Variants in SLC7A8 observed in about 807,000 individuals in gnomAD.
SLC7A8 encodes the protein large neutral amino acids transporter small subunit 2.
SLC7A8 carries 30 observed loss-of-function variants against 51.2 expected under a neutral mutation model. The ratio of observed to expected loss-of-function variants is 0.59; its 90% confidence interval spans 0.44 to 0.80. The LOEUF is 0.80. Among genes scored for constraint, SLC7A8 ranks in the 30% least tolerant of loss-of-function variants. The probability of loss-of-function intolerance (pLI) is 0.00; values close to 1 mark genes in which losing one functional copy is unlikely to be tolerated. For synonymous variants in SLC7A8, 257 were observed against 275.8 expected (o/e 0.93, Z 0.67); for missense variants, 612 against 674.4 (o/e 0.91, Z 1.03).
chr14:23,161,549 C>A (rs1373630720), intron 3 of SLC7A8, among the ~76,000 whole-genome samples: 1 of 131,892 alleles, frequency 7.6e-6, no homozygotes, highest in Non-Finnish European at 1.6e-5. Flanking sequence ...AGCTGGCTTG[C>A]CTGGCCCCTG....
rs1420663309 is a variant in SLC7A8 at position 23,143,197 on chromosome 14, G to A, written c.516C>T (p.Leu172=). The A allele has an allele frequency of 6.2e-7, 1 of 1,614,160 alleles. No individual in the cohort carries two copies. The highest frequency in any genetic ancestry group is 1.7e-5 in the Admixed American group (1 of 60,026). The part of the protein sequence containing the change: ...RLLAAICLLL[L]TWVNCSSVRW... Reference sequence around the variant, plus strand: ...GCACACTGGAACAGTTGACCCATGTGAGGAGCACTGAAATGAAAGACCCCC... The same window carrying A: ...GCACACTGGAACAGTTGACCCATGTAAGGAGCACTGAAATGAAAGACCCCC... The change falls in exon 4 of 11, where the codon CTC becomes CTT. Residue 172 remains leucine (L), a synonymous_variant. Coordinates refer to ENST00000316902, the MANE Select transcript of SLC7A8 (RefSeq NM_012244.4).
At chr14:23,144,632 T>C (rs755108936) in intron 3 of SLC7A8, among the ~76,000 whole-genome samples, 1 of 152,166 alleles carries the variant, frequency 6.6e-6, no homozygotes, top group Non-Finnish European at 1.5e-5. Context: ...CCAACCTTAT[T>C]TGATGCTGAG....
intron 3 of SLC7A8, among the ~76,000 whole-genome samples, chr14:23,162,046 A>G (rs1229981238): frequency 6.6e-6 from 1 of 152,034 alleles, no homozygotes; most frequent in East Asian, 1.9e-4. Context: ...AATTCAAAAA[A>G]AGAAGAGAGG....
chr14:23,160,427 C>A (rs899899453), intron 3 of SLC7A8, among the ~76,000 whole-genome samples: 1 of 151,992 alleles, frequency 6.6e-6, no homozygotes, highest in Non-Finnish European at 1.5e-5. Context: ...AAAAATTAGC[C>A]GGACGTGGTG....
At chr14:23,167,831 T>C (rs2048957629) in intron 1 of SLC7A8, among the ~76,000 whole-genome samples, 1 of 152,144 alleles carries the variant, frequency 6.6e-6, no homozygotes, top group Non-Finnish European at 1.5e-5. Context: ...CAAGCCTCCG[T>C]GATCTCTCTG....
intron 1 of SLC7A8, among the ~76,000 whole-genome samples, chr14:23,167,114 A>G (rs1175539793): frequency 6.6e-6 from 1 of 152,120 alleles, no homozygotes; most frequent in East Asian, 1.9e-4. Flanking sequence ...TGTGGAAAAC[A>G]CTCCTGGAGG....
At chr14:23,154,791 A>T (rs2048877879) in intron 3 of SLC7A8, among the ~76,000 whole-genome samples, 1 of 151,752 alleles carries the variant, frequency 6.6e-6, no homozygotes, top group Non-Finnish European at 1.5e-5. Context: ...GCTTCACAGA[A>T]CCCTCCTAGA....
intron 3 of SLC7A8, chr14:23,154,598 G>T: frequency 2.0e-6 from 1 of 505,362 alleles, no homozygotes; most frequent in Non-Finnish European, 2.6e-6. Flanking sequence ...GGTAAGCAGT[G>T]CCGGCTGCCA....
Position 23,127,254 on chromosome 14 carries a change from T to C in SLC7A8, c.1531A>G (p.Met511Val), listed in dbSNP as rs1250411663. 6.2e-7 allele frequency: 1 copy of C among 1,614,078 alleles called. No homozygotes were observed. The highest frequency in any genetic ancestry group is 1.1e-5 in the South Asian group (1 of 91,086). ...GSGTEEANED[M>V]EEQQQPMYQP... is the part of the protein sequence containing the mutation. ...TACATGGGCTGCTGCTGCTCCTCCATGTCCTCATTAGCCTCCTCTGTCCCT... is the reference window on the plus strand; with the variant it reads ...TACATGGGCTGCTGCTGCTCCTCCACGTCCTCATTAGCCTCCTCTGTCCCT... Residue 511 changes from methionine (M) to valine (V), a missense_variant, in exon 11 of 11, where the codon ATG (methionine) becomes GTG (valine). Met to Val is a conservative substitution (Grantham distance 21). Coordinates refer to ENST00000316902, the MANE Select transcript of SLC7A8 (RefSeq NM_012244.4).
chr14:23,155,132 C>G (rs754351666), intron 3 of SLC7A8: 18 of 1,528,406 alleles, frequency 1.2e-5, no homozygotes, highest in South Asian at 7.2e-5. Context: ...TAACATTTCC[C>G]CTTCTCCAGC....
In SLC7A8 at chr14:23,128,244, C is replaced by T; in HGVS notation, c.1264-48G>A. The T allele has an allele frequency of 1.2e-6, 2 of 1,608,524 alleles. No homozygotes were observed. The highest frequency in any genetic ancestry group is 1.7e-6 in the Non-Finnish European group (2 of 1,177,550). On this transcript the variant is annotated intron_variant, in intron 9 of 10. Coordinates refer to ENST00000316902, the MANE Select transcript of SLC7A8 (RefSeq NM_012244.4). This position sits in a 1 kb window ranked among gnomAD's most constrained non-coding sequence, Gnocchi z 4.3. ...GTATGAACTGTGTAGGCCACGTGGC[C>T]CCCAGGACTAGGGACTGGGGCATTC...
chr14:23,182,924 T>A lies in SLC7A8; in HGVS notation c.-10A>T, dbSNP rs200097235. ...TGGCTCCTTCTTCCATCCTTCTCAGTAGGATTGCAACCTCAAAAGCTGCCT... is the reference window on the plus strand; with the variant it reads ...TGGCTCCTTCTTCCATCCTTCTCAGAAGGATTGCAACCTCAAAAGCTGCCT... On this transcript the variant is annotated 5_prime_UTR_variant, in exon 1 of 11. Transcript: ENST00000316902. 1.8e-5 allele frequency: 29 copies of A among 1,614,036 alleles called. 1 individual carries two copies. The South Asian group carries it at 3.2e-4, about 18-fold the overall frequency.
intron 3 of SLC7A8, among the ~76,000 whole-genome samples, chr14:23,148,239 T>G (rs1418383434): frequency 6.6e-6 from 1 of 152,078 alleles, no homozygotes; most frequent in African/African-American, 2.4e-5. Flanking sequence ...TAAGGATTTT[T>G]TTTTTGGAGA....
chr14:23,164,703 A>G (rs1190430869), intron 3 of SLC7A8, among the ~76,000 whole-genome samples: 1 of 152,162 alleles, frequency 6.6e-6, no homozygotes, highest in Admixed American at 6.5e-5. Flanking sequence ...TGGGGAAAAG[A>G]AAAGGAGGCA....
In SLC7A8 at chr14:23,166,325, G is replaced by A; in HGVS notation, c.356+11C>T. ...CCCCTAGACCATTCAGGTCTCCACAGATCCTCTTACCCAGCCAGTCCTCCG... is the reference window on the plus strand; with the variant it reads ...CCCCTAGACCATTCAGGTCTCCACAAATCCTCTTACCCAGCCAGTCCTCCG... On this transcript the variant is annotated intron_variant, in intron 2 of 10. Transcript: ENST00000316902. The A allele has an allele frequency of 1.2e-6, 2 of 1,612,304 alleles. No individual in the cohort carries two copies. The highest frequency in any genetic ancestry group is 1.3e-5 in the African/African-American group (1 of 75,030).
At chr14:23,156,916 A>T (rs1341930784) in intron 3 of SLC7A8, among the ~76,000 whole-genome samples, 1 of 152,236 alleles carries the variant, frequency 6.6e-6, no homozygotes, top group African/African-American at 2.4e-5. Flanking sequence ...TATGGGAATC[A>T]GGAAAGAGGA....
At chr14:23,178,321 G>A (rs907921534) in intron 1 of SLC7A8, among the ~76,000 whole-genome samples, 3 of 152,166 alleles carry the variant, frequency 2.0e-5, no homozygotes, top group Non-Finnish European at 4.4e-5. Context: ...AAATTAATAT[G>A]CTGCCAACAG....
At chr14:23,172,334 T>G (rs541107923) in intron 1 of SLC7A8, among the ~76,000 whole-genome samples, 1 of 152,208 alleles carries the variant, frequency 6.6e-6, no homozygotes, top group Admixed American at 6.5e-5. Flanking sequence ...TAGGTGTAAT[T>G]TGTAGATGCC....
intron 1 of SLC7A8, among the ~76,000 whole-genome samples, chr14:23,167,832 G>T (rs893483703): frequency 6.6e-6 from 1 of 152,118 alleles, no homozygotes; most frequent in Non-Finnish European, 1.5e-5. Context: ...AAGCCTCCGT[G>T]ATCTCTCTGT....
Sources: gnomAD v4.1 joint callset for allele counts (sites outside exome capture counted in the v4.1 genomes callset) on GRCh38, gnomAD v4.1.1 for gene constraint, Gnocchi (gnomAD v3.1) non-coding constraint, MANE v1.5 for transcripts, NCBI Gene and HGNC (gene_info 2026-07-23, HGNC 2026-07-21) for gene names.